Variants in DNAH3 observed in about 807,000 individuals in gnomAD.
The protein encoded by DNAH3 is dynein axonemal heavy chain 3.
Under a neutral mutation model 432.5 loss-of-function variants are expected in DNAH3, and 332 were observed. The ratio of observed to expected loss-of-function variants is 0.77; its 90% CI spans 0.70 to 0.84. The LOEUF (loss-of-function observed/expected upper bound fraction) is 0.84. DNAH3 is among the 40% of genes least tolerant of loss of function. DNAH3 has a pLI of 0.00. For missense variants in DNAH3, 4,861 were observed against 5,114.0 expected, an observed-to-expected ratio of 0.95 and a Z score of 1.51; for synonymous variants, 1,956 against 1,900.2, an observed-to-expected ratio of 1.03 and a Z score of -0.76.
chr16:21,059,194 G>C (rs1212913146), intron 26 of DNAH3, among the ~76,000 whole-genome samples: 3 of 152,134 alleles, frequency 2.0e-5, no homozygotes, highest in African/African-American at 7.2e-5. Context: ...GTTGCATTGG[G>C]AATGTGGCCT....
chr16:21,140,387 G>A lies in DNAH3; in HGVS notation c.696+149C>T, dbSNP rs1259120472. ...CACTCGCACAAGCACACAAACATGCGCCCTCTTCAGTAGCCTGTCTTGGGT... is the reference window on the plus strand; with the variant it reads ...CACTCGCACAAGCACACAAACATGCACCCTCTTCAGTAGCCTGTCTTGGGT... On this transcript the variant is annotated intron_variant, in intron 5 of 61. Transcript: ENST00000261383. The A allele has an allele frequency of 1.8e-5, 13 of 721,506 alleles. No individual in the cohort carries two copies. The East Asian group carries it at 1.9e-4, about 10-fold the overall frequency. The allele number at this position is 721,506 out of a possible 1,614,324, so 44.7% of individuals were successfully genotyped here. A position where few individuals can be genotyped will look rare whatever the true frequency, so the allele number is the denominator to read the frequency against.
intron 12 of DNAH3, among the ~76,000 whole-genome samples, chr16:21,116,610 G>A (rs557109625): frequency 1.3e-5 from 2 of 152,180 alleles, no homozygotes; most frequent in East Asian, 3.9e-4. Flanking sequence ...GCGTGAGAAC[G>A]GACTATACAT....
At chr16:21,005,105 C>T (rs1399219916) in intron 41 of DNAH3, among the ~76,000 whole-genome samples, 1 of 152,128 alleles carries the variant, frequency 6.6e-6, no homozygotes, top group East Asian at 1.9e-4. Context: ...TTTAATTCAT[C>T]TCTTAGTTGA....
chr16:21,047,752 C>G (rs2089770467), intron 31 of DNAH3, among the ~76,000 whole-genome samples: 2 of 151,914 alleles, frequency 1.3e-5, no homozygotes. Flanking sequence ...GAGAGGTGCT[C>G]TGCTTTTTAG....
intron 20 of DNAH3, among the ~76,000 whole-genome samples, chr16:21,076,503 C>T (rs1257734802): frequency 6.6e-6 from 1 of 152,176 alleles, no homozygotes; most frequent in Non-Finnish European, 1.5e-5. Context: ...AGCTCCTGCA[C>T]TAGACCCCAG....
At chr16:21,086,222 G>C (rs1459543444) in intron 19 of DNAH3, among the ~76,000 whole-genome samples, 1 of 152,182 alleles carries the variant, frequency 6.6e-6, no homozygotes, top group Non-Finnish European at 1.5e-5. Context: ...AACACAGTGA[G>C]TTTTCTTTTT....
In DNAH3 at chr16:21,145,478, T is replaced by A. The variant is rs142239662; in HGVS notation, c.223-72A>T. 8 of 1,359,008 alleles carry A rather than the reference T, an allele frequency of 5.9e-6. 1 individual carries two copies. The African/African-American group carries it at 7.1e-5, about 12-fold the overall frequency. 84.2% of individuals were successfully genotyped at this position (1,359,008 alleles called of 1,614,324 possible). On this transcript the variant is annotated intron_variant, in intron 2 of 61. Coordinates refer to ENST00000261383, the Ensembl canonical transcript of DNAH3. ...CGATGAGCCTGAGCTCTGCTCACACTGAGGCTCACAAGAGTTCCAAGTGCC... is the reference window on the plus strand; with the variant it reads ...CGATGAGCCTGAGCTCTGCTCACACAGAGGCTCACAAGAGTTCCAAGTGCC...
rs768704796 is a variant in DNAH3 at position 20,978,699 on chromosome 16, A to T, written c.8076+631T>A. Among the ~76,000 whole-genome samples, 70 of 152,018 alleles carry T rather than the reference A, an allele frequency of 4.6e-4. 1 individual carries two copies. Among genetic ancestry groups the T allele is most frequent in the Non-Finnish European group, 9.4e-4 (64 of 67,980 alleles). ...CAGGCACATGTCACTGCACTTGGCT[A>T]ATTTTATTTTATTTATTTTTTTGTA... On this transcript the variant is annotated intron_variant, in intron 50 of 61. Coordinates refer to ENST00000261383, the Ensembl canonical transcript of DNAH3.
intron 19 of DNAH3, among the ~76,000 whole-genome samples, chr16:21,084,785 T>G (rs2091308450): frequency 6.6e-6 from 1 of 152,142 alleles, no homozygotes. Flanking sequence ...GTTGGGATTT[T>G]CTGAGTGCCC....
At chr16:21,040,358 A>ATTTTT (rs55797285) in intron 32 of DNAH3, among the ~76,000 whole-genome samples, 1 of 79,740 alleles carries the variant, frequency 1.3e-5, no homozygotes, top group Non-Finnish European at 2.2e-5. Context: ...AGCCAGACAG[A>ATTTTT]TTTTTTTTTT....
rs2088260285 is a variant in DNAH3, at chr16:21,022,061, C to A, written c.5686G>T (p.Glu1896Ter). The A allele has an allele frequency of 6.2e-7, 1 of 1,613,910 alleles. No individual in the cohort carries two copies. Among genetic ancestry groups the A allele is most frequent in the South Asian group, 1.1e-5 (1 of 91,066 alleles). ...AATTTACAATGAAGGCGACCAAATT[C>A]CAGGCAGGGCTGGACAAGCCACATG... Residue 1896 changes from glutamate to a stop codon, truncating the protein, a stop_gained, in exon 40 of 62, where the codon GAA (glutamate) becomes TAA (stop). Transcript: ENST00000261383. LOFTEE classifies it high-confidence loss of function.
chr16:20,962,611 G>A (rs892208767), intron 53 of DNAH3, among the ~76,000 whole-genome samples: 4 of 152,126 alleles, frequency 2.6e-5, no homozygotes, highest in African/African-American at 9.7e-5. Context: ...GGGACACAGT[G>A]TGAAGTTTCC....
intron 50 of DNAH3, among the ~76,000 whole-genome samples, chr16:20,975,812 T>G (rs1372073166): frequency 1.3e-5 from 2 of 152,188 alleles, no homozygotes; most frequent in African/African-American, 2.4e-5. Context: ...TGGCATGATC[T>G]TGGCTCACTG....
Position 21,097,502 on chromosome 16 carries a change from G to A in DNAH3, c.2521-3C>T. On this transcript the variant is annotated splice_polypyrimidine_tract_variant and splice_region_variant and intron_variant, in intron 17 of 61. Coordinates refer to ENST00000261383, the Ensembl canonical transcript of DNAH3. ...AGCTCTTCCTCCTTATTGATCAACTGCAGGGCAAAAGGAGATGCTGTTTAT... is the reference window on the plus strand; with the variant it reads ...AGCTCTTCCTCCTTATTGATCAACTACAGGGCAAAAGGAGATGCTGTTTAT... The A allele has an allele frequency of 1.9e-6, 3 of 1,612,780 alleles. No individual in the cohort carries two copies. The highest frequency in any genetic ancestry group is 1.1e-5 in the South Asian group (1 of 91,078).
Position 21,150,547 on chromosome 16 carries a change from G to A in DNAH3, c.118-4459C>T, listed in dbSNP as rs2092841041. 4.3e-6 allele frequency: 1 copy of A among 230,778 alleles called. No individual in the cohort carries two copies. Among genetic ancestry groups the A allele is most frequent in the Non-Finnish European group, 8.7e-6 (1 of 114,304 alleles). 14.3% of individuals were successfully genotyped at this position (230,778 alleles called of 1,614,324 possible). On this transcript the variant is annotated intron_variant, in intron 1 of 61. Transcript: ENST00000261383. ...GCTGAGGAGTTCCCTGGTAAAAAAG[G>A]AGAGAAAGGGAAGCTAGAGATAAGG...
At chr16:21,041,871 C>A (rs1030664464) in intron 32 of DNAH3, among the ~76,000 whole-genome samples, 156 bp downstream of exon 32, 4 of 152,104 alleles carry the variant, frequency 2.6e-5, no homozygotes, top group African/African-American at 9.7e-5. Context: ...TGGGGTTTCA[C>A]CACATTGGAC....
At chr16:21,073,950 G>T (rs1271559514) in intron 21 of DNAH3, among the ~76,000 whole-genome samples, 1 of 152,156 alleles carries the variant, frequency 6.6e-6, no homozygotes, top group Non-Finnish European at 1.5e-5. Flanking sequence ...CCATACAGCT[G>T]TCCATTCTTC....
intron 44 of DNAH3, among the ~76,000 whole-genome samples, chr16:20,989,054 T>C (rs1159977616): frequency 6.6e-6 from 1 of 152,152 alleles, no homozygotes; most frequent in Admixed American, 6.5e-5. Context: ...CCAGTAAGAT[T>C]TACTGCAAAG....
At chr16:21,082,969 A>G (rs1459953698) in intron 19 of DNAH3, among the ~76,000 whole-genome samples, 1 of 108,900 alleles carries the variant, frequency 9.2e-6, no homozygotes, top group Admixed American at 8.7e-5. Flanking sequence ...TAACAGTTAA[A>G]TTTTTATTAT....
Sources: allele counts gnomAD v4.1 joint callset (sites outside exome capture counted in the v4.1 genomes callset), GRCh38; gene constraint gnomAD v4.1.1; transcripts MANE v1.5; gene names NCBI Gene and HGNC (gene_info 2026-07-23, HGNC 2026-07-21).